The following PSD3 variants were observed in gnomAD, a reference collection of about 807,000 sequenced individuals.
PSD3 encodes pleckstrin and Sec7 domain containing 3, also known as PH and SEC7 domain-containing protein 3.
In PSD3, 49 loss-of-function variants were observed where a neutral mutation model predicts 105.5. The observed-to-expected ratio is 0.46, with a 90% CI of 0.37 to 0.59. PSD3 has a LOEUF of 0.59. Ranked by LOEUF, PSD3 falls within the 20% of genes least tolerant of loss-of-function variation. The pLI is 0.00. For synonymous variants in PSD3, 557 were observed against 457.8 expected (o/e 1.22, Z -2.77); for missense variants, 1,561 against 1,263.8 (o/e 1.24, Z -3.57).
chr8:18,883,512 C>T (rs1818256376), intron 2 of PSD3, among the ~76,000 whole-genome samples: 1 of 152,118 alleles, frequency 6.6e-6, no homozygotes. Flanking sequence ...TGACTCTCTA[C>T]TTACACAAAA....
intron 14 of PSD3, among the ~76,000 whole-genome samples, chr8:18,571,793 A>G (rs1273219814): frequency 6.6e-6 from 1 of 152,248 alleles, no homozygotes; most frequent in East Asian, 1.9e-4. Flanking sequence ...AACTGTCTCT[A>G]TGTAATAAGA....
chr8:19,070,767 G>A lies in PSD3; in HGVS notation c.324+13439C>T, dbSNP rs549449986. ...TCTTGTACACCTCACTTTCCACACT[G>A]CTGACCCACAGCCCTTTGACTGATT... On this transcript the variant is annotated intron_variant, in intron 1 of 1. Coordinates refer to the PSD3 transcript ENST00000521475. Among the ~76,000 whole-genome samples the A allele has an allele frequency of 1.1e-3, 165 of 152,266 alleles. 1 individual carries two copies. Among genetic ancestry groups the A allele is most frequent in the African/African-American group, 3.7e-3 (154 of 41,558 alleles).
intron 9 of PSD3, among the ~76,000 whole-genome samples, chr8:18,676,761 C>A (rs944268860): frequency 3.3e-5 from 5 of 152,156 alleles, no homozygotes; most frequent in African/African-American, 1.2e-4. Context: ...CTGTGCTTTG[C>A]CTAATAAAAA....
At chr8:18,987,067 G>A (rs1387295246) in intron 1 of PSD3, among the ~76,000 whole-genome samples, 2 of 152,082 alleles carry the variant, frequency 1.3e-5, no homozygotes, top group African/African-American at 2.4e-5. Flanking sequence ...TCACAGGGAG[G>A]CGAACAACAT....
chr8:19,052,654 C>A (rs184026654), intron 1 of PSD3, among the ~76,000 whole-genome samples: 1 of 152,002 alleles, frequency 6.6e-6, no homozygotes, highest in East Asian at 1.9e-4. Flanking sequence ...TCAGCTAATT[C>A]GGAAGTCCAA....
chr8:18,621,502 C>G (rs1365374513), intron 11 of PSD3, among the ~76,000 whole-genome samples: 1 of 152,188 alleles, frequency 6.6e-6, no homozygotes, highest in Non-Finnish European at 1.5e-5. Flanking sequence ...AGACATGAGC[C>G]ATCATTACGG....
intron 8 of PSD3, among the ~76,000 whole-genome samples, chr8:18,768,646 C>G (rs1807234852): frequency 6.6e-6 from 1 of 152,178 alleles, no homozygotes; most frequent in Non-Finnish European, 1.5e-5. Context: ...ACCTCAAATT[C>G]AAAGACAGAT....
intron 2 of PSD3, among the ~76,000 whole-genome samples, chr8:18,930,544 T>C (rs1352149235): frequency 2.0e-5 from 3 of 151,672 alleles, no homozygotes; most frequent in Non-Finnish European, 4.4e-5. Context: ...AACGTATATC[T>C]TTAACTTCTT....
At chr8:18,622,172 A>G (rs1252926704) in intron 11 of PSD3, among the ~76,000 whole-genome samples, 2 of 152,238 alleles carry the variant, frequency 1.3e-5, no homozygotes, top group Non-Finnish European at 2.9e-5. Context: ...TTAATATTTC[A>G]AATTCAGAAC....
At chr8:19,081,167 A>C (rs1457988621) in intron 1 of PSD3, among the ~76,000 whole-genome samples, 2 of 152,132 alleles carry the variant, frequency 1.3e-5, no homozygotes, top group African/African-American at 4.8e-5. Flanking sequence ...TCACCACAGA[A>C]ATGTTAGAGC....
chr8:18,903,374 G>C (rs1819636110), intron 2 of PSD3, among the ~76,000 whole-genome samples: 1 of 152,136 alleles, frequency 6.6e-6, no homozygotes, highest in Admixed American at 6.5e-5. Context: ...GCCAGGTGCA[G>C]TGGCAGCAAG....
chr8:18,687,221 T>C (rs543871310), intron 9 of PSD3, among the ~76,000 whole-genome samples: 384 of 152,308 alleles, frequency 2.5e-3, no homozygotes, highest in Non-Finnish European at 4.6e-3. Context: ...CCCAGCACTT[T>C]GGGAGGCCAA....
intron 1 of PSD3, among the ~76,000 whole-genome samples, chr8:19,003,086 G>A (rs1826486099): frequency 1.3e-5 from 2 of 152,080 alleles, no homozygotes; most frequent in African/African-American, 4.8e-5. Flanking sequence ...TAATGATGCA[G>A]TGAGGCACAG....
chr8:18,741,851 T>C (rs1010972340), intron 9 of PSD3, among the ~76,000 whole-genome samples: 2 of 84,396 alleles, frequency 2.4e-5, no homozygotes, highest in African/African-American at 1.0e-4. Context: ...ACAAATGAAA[T>C]AGTGACTGTT....
intron 1 of PSD3, among the ~76,000 whole-genome samples, chr8:19,058,583 T>C (rs1202096990): frequency 6.6e-6 from 1 of 151,904 alleles, no homozygotes; most frequent in Non-Finnish European, 1.5e-5. Context: ...TACTGTATGA[T>C]AATTTTTTTA....
At chr8:18,838,195 A>G (rs62498314) in intron 4 of PSD3, among the ~76,000 whole-genome samples, 9,027 of 152,290 alleles carry the variant, frequency 0.059, 305 homozygotes, top group African/African-American at 0.095. Context: ...TAATTTCTAA[A>G]ACAATATTCT....
At chr8:18,600,712 A>G (rs894877828) in intron 11 of PSD3, among the ~76,000 whole-genome samples, 3 of 152,188 alleles carry the variant, frequency 2.0e-5, no homozygotes, top group Admixed American at 1.3e-4. Flanking sequence ...TAATGGTCCC[A>G]CAACTAGGAA....
At chr8:18,742,103 G>A (rs1476083593) in intron 9 of PSD3, among the ~76,000 whole-genome samples, 1 of 152,102 alleles carries the variant, frequency 6.6e-6, no homozygotes, top group Non-Finnish European at 1.5e-5. Context: ...GACTATAATA[G>A]GGAAGATATA....
chr8:18,907,602 A>C (rs1819930272), intron 2 of PSD3, among the ~76,000 whole-genome samples: 2 of 152,240 alleles, frequency 1.3e-5, no homozygotes. Context: ...ACAGGATTAG[A>C]GCCTAGGAGC....
Sources: allele counts gnomAD v4.1 joint callset (sites outside exome capture counted in the v4.1 genomes callset), GRCh38; gene constraint gnomAD v4.1.1; transcripts MANE v1.5; gene names NCBI Gene and HGNC (gene_info 2026-07-23, HGNC 2026-07-21).